Variants in TMED2 observed in about 807,000 individuals in gnomAD.
The protein encoded by TMED2 is transmembrane emp24 domain-containing protein 2.
Under a neutral mutation model 17.5 loss-of-function variants are expected in TMED2, and 3 were observed. The observed-to-expected ratio is 0.17, with a 90% CI of 0.08 to 0.44. TMED2 has a LOEUF of 0.44. Ranked by LOEUF, TMED2 falls within the 20% of genes least tolerant of loss-of-function variation. The probability of loss-of-function intolerance (pLI) is 0.99; values close to 1 mark genes in which losing one functional copy is unlikely to be tolerated. For synonymous variants in TMED2, 95 were observed against 91.0 expected, an observed-to-expected ratio of 1.04 and a Z score of -0.25; for missense variants, 149 against 254.8, an observed-to-expected ratio of 0.58 and a Z score of 2.83.
At chr12:123,591,613 C>T (rs1593639641) in intron 3 of TMED2, among the ~76,000 whole-genome samples, 1 of 152,042 alleles carries the variant, frequency 6.6e-6, no homozygotes, top group South Asian at 2.1e-4. Flanking sequence ...GAAATCCCAC[C>T]TCTACTAAAA....
rs181060182 is a variant in TMED2, at chr12:123,597,972, C to G, written c.*1243C>G. On this transcript the variant is annotated 3_prime_UTR_variant, in exon 4 of 4. Transcript: ENST00000262225. ...ACCATACTTCCACCTTGGGTGAGAA[C>G]ACTTGCAACAGTTTATTAATGAGGT... 1 of 151,960 alleles carries G rather than the reference C, an allele frequency of 6.6e-6. No homozygotes were observed. Among genetic ancestry groups the G allele is most frequent in the Admixed American group, 6.6e-5 (1 of 15,134 alleles). 9.4% of individuals were successfully genotyped at this position (151,960 alleles called of 1,614,324 possible). A position where few individuals can be genotyped will look rare whatever the true frequency, so the allele number is the denominator to read the frequency against.
chr12:123,598,168 C>A lies in TMED2; in HGVS notation c.*1439C>A, dbSNP rs1472168678. 1 of 152,410 alleles carries A rather than the reference C, an allele frequency of 6.6e-6. No homozygotes were observed. Among genetic ancestry groups the A allele is most frequent in the Non-Finnish European group, 1.5e-5 (1 of 68,026 alleles). The allele number at this position is 152,410 out of a possible 1,614,324, so 9.4% of individuals were successfully genotyped here. A position where few individuals can be genotyped will look rare whatever the true frequency, so the allele number is the denominator to read the frequency against. On this transcript the variant is annotated 3_prime_UTR_variant, in exon 4 of 4. Coordinates refer to ENST00000262225, the MANE Select transcript of TMED2 (RefSeq NM_006815.4). ...TATTCTGTGTTTTATATATTGACAG[C>A]TAATCCACATTTTTTACACACCAAC...
chr12:123,593,962 A>ATTT (rs764283197), intron 3 of TMED2, among the ~76,000 whole-genome samples: 306 of 136,874 alleles, frequency 2.2e-3, no homozygotes, highest in Non-Finnish European at 3.2e-3. Context: ...CACCTGGCTA[A>ATTT]TTTTTTTTTT....
intron 1 of TMED2, chr12:123,585,043 C>CG: frequency 1.8e-6 from 1 of 541,588 alleles, no homozygotes; most frequent in Non-Finnish European, 3.3e-6. Flanking sequence ...GGGGCTCCTT[C>CG]GGCATGCTTG....
chr12:123,591,096 T>G (rs1257822868), intron 3 of TMED2, among the ~76,000 whole-genome samples: 1 of 152,208 alleles, frequency 6.6e-6, no homozygotes, highest in Non-Finnish European at 1.5e-5. Context: ...CGTATTGCAT[T>G]GGTTTTTAAT....
intron 2 of TMED2, chr12:123,587,695 T>C (rs906364629): frequency 2.4e-6 from 3 of 1,234,484 alleles, no homozygotes; most frequent in Non-Finnish European, 2.1e-6. Context: ...GTCTAATTTC[T>C]GCTTTCTTTT....
chr12:123,590,301 A>T (rs78072538), intron 2 of TMED2, 41 bp from the exon 3 acceptor site: 134,245 of 1,438,186 alleles, frequency 0.093, 4,274 homozygotes, highest in Non-Finnish European at 0.11. Context: ...AAAAAAAAAA[A>T]GACATTGACA....
At chr12:123,594,521 C>T (rs956619163) in intron 3 of TMED2, among the ~76,000 whole-genome samples, 3 of 152,062 alleles carry the variant, frequency 2.0e-5, no homozygotes, top group Non-Finnish European at 4.4e-5. Flanking sequence ...TGCTTCTGAG[C>T]CTGAGGCAGG....
chr12:123,590,058 G>A (rs1266348037), intron 2 of TMED2, among the ~76,000 whole-genome samples: 2 of 151,736 alleles, frequency 1.3e-5, no homozygotes, highest in East Asian at 3.9e-4. Flanking sequence ...TCAAGCAGGT[G>A]GATCACCTGA....
At chr12:123,592,943 T>C (rs1953403924) in intron 3 of TMED2, among the ~76,000 whole-genome samples, 2 of 152,058 alleles carry the variant, frequency 1.3e-5, no homozygotes, top group African/African-American at 4.8e-5. Flanking sequence ...CAGTGGCTCA[T>C]GCCTGTAATC....
chr12:123,584,742 C>T lies in TMED2; in HGVS notation c.106C>T (p.Arg36Trp), dbSNP rs1191720120. ...DAHAEECFFERVTSGTKMGLI... is the reference protein window; with the variant it reads ...DAHAEECFFEWVTSGTKMGLI... ...CCATGCTGAAGAGTGCTTCTTTGAG[C>T]GGGTCACCTCGGGCACCAAGATGGG... is the stretch of plus-strand genomic sequence containing the variant. Residue 36 changes from arginine to tryptophan, a missense_variant, in exon 1 of 4, where the codon CGG becomes TGG. Transcript: ENST00000262225. 2 of 1,613,686 alleles carry T rather than the reference C, an allele frequency of 1.2e-6. No individual in the cohort carries two copies. The highest frequency in any genetic ancestry group is 1.7e-5 in the Admixed American group (1 of 60,032).
At chr12:123,596,582 T>C (rs762974957) in intron 3 of TMED2, 23 bp from the exon 4 acceptor site, 8 of 1,578,422 alleles carry the variant, frequency 5.1e-6, no homozygotes, top group Admixed American at 3.9e-5. Flanking sequence ...TTAAATTTTG[T>C]TTGTTTGTTT....
intron 3 of TMED2, among the ~76,000 whole-genome samples, chr12:123,594,545 G>T (rs1343654463): frequency 2.0e-5 from 3 of 152,048 alleles, no homozygotes; most frequent in African/African-American, 4.8e-5. Context: ...ATTGTTTGAG[G>T]TCAGGAGCTT....
intron 1 of TMED2, chr12:123,586,495 C>T (rs1303971224): frequency 1.3e-5 from 3 of 229,142 alleles, no homozygotes; most frequent in Admixed American, 5.3e-5. Flanking sequence ...GGAATACAGG[C>T]GTGCGCCACC....
rs748317651 is a variant in TMED2, at chr12:123,586,932, A to G, written c.366A>G (p.Glu122=). ...IGEAPKGQDM[E]TEAHQNKLEE... ...AGGCTCCAAAAGGACAAGATATGGA[A>G]ACAGAAGGTGAGATGAACATTCAGA... The change falls in exon 2 of 4, where the codon GAA becomes GAG. Residue 122 remains glutamate, a synonymous_variant. Coordinates refer to ENST00000262225, the MANE Select transcript of TMED2 (RefSeq NM_006815.4). The G allele has an allele frequency of 1.9e-6, 3 of 1,596,416 alleles. No individual in the cohort carries two copies. The highest frequency in any genetic ancestry group is 3.5e-5 in the Admixed American group (2 of 57,232).
At chr12:123,595,389 G>A (rs1394556481) in intron 3 of TMED2, among the ~76,000 whole-genome samples, 1 of 152,126 alleles carries the variant, frequency 6.6e-6, no homozygotes, top group Non-Finnish European at 1.5e-5. Flanking sequence ...TGGTCTGGTA[G>A]TAACTGTCAG....
chr12:123,586,146 A>G (rs1886341151), intron 1 of TMED2: 1 of 152,144 alleles, frequency 6.6e-6, no homozygotes, highest in African/African-American at 2.4e-5. Context: ...ATATTAGGCC[A>G]GTTAGAGACC....
At chr12:123,592,789 C>T (rs1422771202) in intron 3 of TMED2, among the ~76,000 whole-genome samples, 1 of 152,162 alleles carries the variant, frequency 6.6e-6, no homozygotes. Flanking sequence ...TACTGTGCTT[C>T]AATGTGTTCT....
intron 2 of TMED2, among the ~76,000 whole-genome samples, chr12:123,587,376 C>T (rs1269312839): frequency 6.6e-6 from 1 of 152,152 alleles, no homozygotes; most frequent in Non-Finnish European, 1.5e-5. Context: ...GATCCACCTG[C>T]CTCGGCCTTC....
Sources: gnomAD v4.1 joint callset for allele counts (sites outside exome capture counted in the v4.1 genomes callset) on GRCh38, gnomAD v4.1.1 for gene constraint, MANE v1.5 for transcripts, NCBI Gene and HGNC (gene_info 2026-07-23, HGNC 2026-07-21) for gene names.